RPS17: variants seen among roughly 807,000 people sequenced by gnomAD.
RPS17 encodes the protein ribosomal protein S17, also known as small ribosomal subunit protein eS17.
For synonymous variants in RPS17, 75 were observed against 65.6 expected (o/e 1.14, Z -0.70); for missense variants, 68 against 182.3 (o/e 0.37, Z 3.61).
chr15:82,538,653 T>C, intron 3 of RPS17: 1 of 656,022 alleles, frequency 1.5e-6, no homozygotes, highest in South Asian at 1.8e-5. Flanking sequence ...ACAGCAGTCA[T>C]CAAATCAACA....
intron 3 of RPS17, chr15:82,538,606 AAAG>A: frequency 1.5e-6 from 1 of 658,770 alleles, no homozygotes; most frequent in Non-Finnish European, 2.7e-6. Context: ...TGTTTACACC[AAAG>A]AATACTATAT....
intron 2 of RPS17, chr15:82,539,677 A>C: frequency 2.1e-6 from 1 of 465,684 alleles, no homozygotes. Context: ...CGCCAGGGCA[A>C]GATTCCGTCT....
At chr15:82,540,339 C>T in intron 1 of RPS17, 87 bp downstream of exon 1, 2 of 1,581,608 alleles carry the variant, frequency 1.3e-6, no homozygotes, top group Non-Finnish European at 1.7e-6. Context: ...CTTCCCGGCC[C>T]AGGGCCTCTC....
chr15:82,538,808 C>T (rs1198178266), intron 3 of RPS17, 72 bp downstream of exon 3: 1 of 1,524,732 alleles, frequency 6.6e-7, no homozygotes. Flanking sequence ...GCTGAGGTCC[C>T]TTTGGAAGCC....
chr15:82,537,134 T>C (rs2034254011), intron 4 of RPS17: 7 of 585,764 alleles, frequency 1.2e-5, no homozygotes, highest in South Asian at 9.9e-5. Context: ...ATGCCATTTG[T>C]ATCTGTTTTC....
At chr15:82,539,167 T>C in intron 2 of RPS17, 182 bp from the exon 3 acceptor site, 3 of 720,560 alleles carry the variant, frequency 4.2e-6, no homozygotes, top group East Asian at 2.7e-5. Flanking sequence ...TTCCTTCCCC[T>C]TGGTTTCTCA....
At chr15:82,539,031 A>G (rs2034291853) in intron 2 of RPS17, 46 bp from the exon 3 acceptor site, 13 of 1,575,902 alleles carry the variant, frequency 8.2e-6, no homozygotes, top group East Asian at 2.2e-5. Context: ...AGACAAATCA[A>G]CTCCCACCTG....
chr15:82,537,422 C>A (rs1009297675), intron 4 of RPS17: 5 of 269,530 alleles, frequency 1.9e-5, no homozygotes, highest in South Asian at 4.2e-5. Flanking sequence ...TGGGTAAGAG[C>A]TATTACTAAT....
intron 4 of RPS17, chr15:82,537,966 C>T (rs1331596877): frequency 2.1e-6 from 1 of 466,502 alleles, no homozygotes; most frequent in Non-Finnish European, 4.3e-6. Flanking sequence ...AGCATGGAGA[C>T]ACCAAAGGAA....
chr15:82,539,087 C>G (rs2034293263), intron 2 of RPS17, 102 bp from the exon 3 acceptor site: 1 of 1,193,426 alleles, frequency 8.4e-7, no homozygotes, highest in South Asian at 1.2e-5. Flanking sequence ...TAGTTCTTTT[C>G]CACAGTGAGA....
At chr15:82,539,071 C>G in intron 2 of RPS17, 86 bp from the exon 3 acceptor site, 1 of 1,305,662 alleles carries the variant, frequency 7.7e-7, no homozygotes, top group Admixed American at 1.7e-5. Context: ...ATATAAATAC[C>G]CGCTTTAGTT....
intron 1 of RPS17, 86 bp downstream of exon 1, chr15:82,540,340 A>G (rs2034328359): frequency 6.3e-7 from 1 of 1,581,838 alleles, no homozygotes; most frequent in Non-Finnish European, 8.6e-7. Flanking sequence ...TTCCCGGCCC[A>G]GGGCCTCTCT....
Position 82,538,434 on chromosome 15 carries a change from T to A in RPS17, c.262-63A>T. On this transcript the variant is annotated intron_variant, in intron 3 of 4. Transcript: ENST00000647841. ...TGAGATTATCACTCACCTCTCCTCC[T>A]CCTCTCCCCAGGTTCTTAAATATGG... 6 of 1,563,986 alleles carry A rather than the reference T, an allele frequency of 3.8e-6. No individual in the cohort carries two copies. The East Asian group carries it at 1.1e-4, about 29-fold the overall frequency.
At chr15:82,540,361 G>T in intron 1 of RPS17, 65 bp downstream of exon 1, 1 of 1,585,500 alleles carries the variant, frequency 6.3e-7, no homozygotes, top group Non-Finnish European at 8.6e-7. Context: ...GTGGGCTGAG[G>T]ACCGCGGGAA....
At chr15:82,538,407 A>T in intron 3 of RPS17, 36 bp from the exon 4 acceptor site, 4 of 1,607,616 alleles carry the variant, frequency 2.5e-6, no homozygotes, top group Non-Finnish European at 3.4e-6. Context: ...AATACCAATC[A>T]ATGAGATTAT....
At chr15:82,539,346 G>T in intron 2 of RPS17, 2 of 478,034 alleles carry the variant, frequency 4.2e-6, no homozygotes, top group Non-Finnish European at 8.3e-6. Flanking sequence ...CAGGCCATAT[G>T]CCTATAAATC....
Position 82,539,949 on chromosome 15 carries a change from G to C in RPS17, c.155+32C>G, listed in dbSNP as rs2034315833. On this transcript the variant is annotated intron_variant, in intron 2 of 4. Coordinates refer to ENST00000647841, the MANE Select transcript of RPS17 (RefSeq NM_001021.6). Reference sequence around the variant, plus strand: ...CGGCAGAGCACACAAACAGATCGCGGAGCCCCGGAGGCCGAGGAAGGCCCG... The same window carrying C: ...CGGCAGAGCACACAAACAGATCGCGCAGCCCCGGAGGCCGAGGAAGGCCCG... 3 of 1,612,006 alleles carry C rather than the reference G, an allele frequency of 1.9e-6. No individual in the cohort carries two copies. The Admixed American group carries it at 5.0e-5, about 27-fold the overall frequency.
At chr15:82,540,324 T>G (rs972815842) in intron 1 of RPS17, 102 bp downstream of exon 1, 1 of 1,580,804 alleles carries the variant, frequency 6.3e-7, no homozygotes, top group African/African-American at 1.3e-5. Context: ...GACAGGGCTC[T>G]GCGCCTTCCC....
Position 82,540,007 on chromosome 15 carries a change from G to A in RPS17, c.129C>T (p.Ser43=), listed in dbSNP as rs2034317767. Residue 43 remains serine, a synonymous_variant, in exon 2 of 5, where the codon AGC becomes AGT. Transcript: ENST00000647841. ...CTGCTATCTTGTTGCGGAGCTTTTT[G>A]CTGGGGATAATGGCGATCTCCTCGC... The part of the protein sequence containing the change: ...RVCEEIAIIP[S]KKLRNKIAGY... 5 of 1,612,042 alleles carry A rather than the reference G, an allele frequency of 3.1e-6. No homozygotes were observed. The highest frequency in any genetic ancestry group is 1.1e-5 in the South Asian group (1 of 91,004).
Sources: gnomAD v4.1 joint callset for allele counts on GRCh38, gnomAD v4.1.1 for gene constraint, MANE v1.5 for transcripts, NCBI Gene and HGNC (gene_info 2026-07-23, HGNC 2026-07-21) for gene names.